The following HIPK3 variants were observed in gnomAD, a reference collection of about 807,000 sequenced individuals.
HIPK3 encodes homeodomain-interacting protein kinase 3.
In HIPK3, 47 loss-of-function variants were observed where a neutral mutation model predicts 124.2. The observed-to-expected ratio is 0.38, with a 90% CI of 0.30 to 0.48. HIPK3 has a LOEUF of 0.48. HIPK3 is among the 20% of genes least tolerant of loss of function. The pLI, the probability that HIPK3 is intolerant of heterozygous loss-of-function variation, is 0.98. For missense variants in HIPK3, 1,286 were observed against 1,454.3 expected (o/e 0.88, Z 1.88); for synonymous variants, 482 against 515.2 (o/e 0.94, Z 0.87).
intron 1 of HIPK3, among the ~76,000 whole-genome samples, chr11:33,262,322 C>T (rs1850846992): frequency 6.6e-6 from 1 of 152,204 alleles, no homozygotes; most frequent in Non-Finnish European, 1.5e-5. Context: ...TTGTCTTAGT[C>T]ACTTGTAGGA....
At chr11:33,260,272 A>C (rs190997447) in intron 1 of HIPK3, among the ~76,000 whole-genome samples, 1 of 152,264 alleles carries the variant, frequency 6.6e-6, no homozygotes, top group East Asian at 1.9e-4. Flanking sequence ...TTAATGCAAG[A>C]TATGGAGAGC....
At chr11:33,283,729 C>T (rs946242185) in intron 1 of HIPK3, among the ~76,000 whole-genome samples, 3 of 151,334 alleles carry the variant, frequency 2.0e-5, no homozygotes, top group African/African-American at 7.3e-5. Flanking sequence ...GGCTGAAGTA[C>T]AGTGGCGCGA....
At chr11:33,301,821 GAC>G (rs143389257) in intron 2 of HIPK3, among the ~76,000 whole-genome samples, 2,248 of 127,398 alleles carry the variant, frequency 0.018, 28 homozygotes, top group African/African-American at 0.019. Flanking sequence ...AACCCTGTCT[GAC>G]ACACACACAC....
Position 33,328,535 on chromosome 11 carries a change from C to A in HIPK3, c.1123C>A (p.Pro375Thr), listed in dbSNP as rs768066929. Reference sequence around the variant, plus strand: ...AGCTCCAGAGATTATATTGGGGTTGCCATTTTGTGAAGCCATAGACATGTG... The same window carrying A: ...AGCTCCAGAGATTATATTGGGGTTGACATTTTGTGAAGCCATAGACATGTG... ...YRAPEIILGL[P>T]FCEAIDMWSL... Residue 375 changes from proline to threonine, a missense_variant, in exon 3 of 17, where the codon CCA becomes ACA. Around this residue, in one of 3 missense-constraint regions of HIPK3, gnomAD observed 251 missense variants for 349.1 expected, o/e 0.72. Coordinates refer to ENST00000303296, the MANE Select transcript of HIPK3 (RefSeq NM_005734.5). 5.0e-6 allele frequency: 8 copies of A among 1,613,092 alleles called. No individual in the cohort carries two copies. Among genetic ancestry groups the A allele is most frequent in the Middle Eastern group, 1.6e-4 (1 of 6,082 alleles).
chr11:33,336,939 C>A, intron 3 of HIPK3, 136 bp from the exon 4 acceptor site: 1 of 450,746 alleles, frequency 2.2e-6, no homozygotes, highest in Non-Finnish European at 3.9e-6. Flanking sequence ...CATATATGTT[C>A]TCCACTAGAC....
chr11:33,346,302 T>C (rs1361317821), intron 8 of HIPK3, among the ~76,000 whole-genome samples: 2 of 152,150 alleles, frequency 1.3e-5, no homozygotes, highest in Admixed American at 6.5e-5. Context: ...GCAAGCAAAA[T>C]GGTAGCATGT....
intron 2 of HIPK3, among the ~76,000 whole-genome samples, chr11:33,314,741 A>G (rs1852447625): frequency 6.6e-6 from 1 of 152,212 alleles, no homozygotes. Flanking sequence ...TAATTTTACA[A>G]AGTTAGAAAG....
At chr11:33,319,075 A>G (rs1852587900) in intron 2 of HIPK3, among the ~76,000 whole-genome samples, 2 of 152,214 alleles carry the variant, frequency 1.3e-5, no homozygotes, top group Non-Finnish European at 1.5e-5. Context: ...TTCAGAAACA[A>G]TGATTTATTA....
intron 2 of HIPK3, among the ~76,000 whole-genome samples, chr11:33,311,352 AT>A (rs1460468797): frequency 6.6e-6 from 1 of 151,842 alleles, no homozygotes; most frequent in Non-Finnish European, 1.5e-5. Context: ...CACCTGACTC[AT>A]TTTTTCATTT....
chr11:33,347,837 T>G lies in HIPK3; in HGVS notation c.2145-15T>G. ...AAGATCTTGATTAAAAACATTGTTC[T>G]GAACTTCTCCCTAGGAAGATGATTT... On this transcript the variant is annotated splice_polypyrimidine_tract_variant and intron_variant, in intron 10 of 16. Transcript: ENST00000303296. The G allele has an allele frequency of 6.2e-7, 1 of 1,614,174 alleles. No individual in the cohort carries two copies. Among genetic ancestry groups the G allele is most frequent in the East Asian group, 2.2e-5 (1 of 44,880 alleles).
intron 14 of HIPK3, among the ~76,000 whole-genome samples, chr11:33,350,429 G>C (rs1408814525): frequency 6.6e-6 from 1 of 151,950 alleles, no homozygotes; most frequent in Non-Finnish European, 1.5e-5. Flanking sequence ...CACTTTGGGA[G>C]GCCAAGGCAG....
chr11:33,303,034 T>A (rs1433969252), intron 2 of HIPK3, among the ~76,000 whole-genome samples: 1 of 152,184 alleles, frequency 6.6e-6, no homozygotes, highest in South Asian at 2.1e-4. Context: ...TGCAAACCAG[T>A]CTGATCTGTC....
At chr11:33,336,643 C>G (rs1448877686) in intron 3 of HIPK3, among the ~76,000 whole-genome samples, 1 of 152,150 alleles carries the variant, frequency 6.6e-6, no homozygotes, top group Non-Finnish European at 1.5e-5. Context: ...AGCCCTTTAC[C>G]TGCTAGTTCA....
At chr11:33,261,075 C>T (rs886111291) in intron 1 of HIPK3, among the ~76,000 whole-genome samples, 2 of 144,620 alleles carry the variant, frequency 1.4e-5, no homozygotes, top group African/African-American at 5.1e-5. Context: ...TTTGTGATAC[C>T]GGTGTAAGTC....
intron 7 of HIPK3, 28 bp from the exon 8 acceptor site, chr11:33,341,535 G>A (rs373476502): frequency 1.0e-5 from 16 of 1,583,010 alleles, no homozygotes; most frequent in African/African-American, 2.7e-5. Context: ...TTAGAAGACT[G>A]CTCTATATAA....
At chr11:33,277,206 A>G (rs1198237463) in intron 1 of HIPK3, among the ~76,000 whole-genome samples, 1 of 152,102 alleles carries the variant, frequency 6.6e-6, no homozygotes, top group Non-Finnish European at 1.5e-5. Flanking sequence ...CTTCCTTGAC[A>G]TGTCTGTCAT....
intron 2 of HIPK3, among the ~76,000 whole-genome samples, chr11:33,318,576 T>C (rs1302919705): frequency 6.6e-6 from 1 of 152,210 alleles, no homozygotes; most frequent in African/African-American, 2.4e-5. Flanking sequence ...CATTGCTTGG[T>C]TCATAGTATT....
chr11:33,272,866 G>A (rs1465477944), intron 1 of HIPK3, among the ~76,000 whole-genome samples: 7 of 116,390 alleles, frequency 6.0e-5, no homozygotes, highest in Admixed American at 5.4e-4. Flanking sequence ...CCCCTGTCGA[G>A]ATGAGGTCTT....
At chr11:33,331,042 C>A (rs1194881422) in intron 3 of HIPK3, among the ~76,000 whole-genome samples, 1 of 151,982 alleles carries the variant, frequency 6.6e-6, no homozygotes, top group Non-Finnish European at 1.5e-5. Flanking sequence ...TGCCACCATG[C>A]CTGGCTAATT....
Sources: gnomAD v4.1 joint callset for allele counts (sites outside exome capture counted in the v4.1 genomes callset) on GRCh38, gnomAD v4.1.1 for gene constraint, gnomAD v4.1.1 regional missense constraint, MANE v1.5 for transcripts, NCBI Gene and HGNC (gene_info 2026-07-23, HGNC 2026-07-21) for gene names.